The following NOMO1 variants were observed in gnomAD, a reference collection of about 807,000 sequenced individuals.
NOMO1 encodes nodal modulator 3.
NOMO1 carries 40 observed loss-of-function variants against 133.8 expected under a neutral mutation model. The ratio of observed to expected loss-of-function variants is 0.30; its 90% CI spans 0.23 to 0.39. The LOEUF (loss-of-function observed/expected upper bound fraction) is 0.39. Among genes scored for constraint, NOMO1 ranks in the 10% least tolerant of loss-of-function variants. NOMO1 has a pLI of 1.00. For missense variants in NOMO1, 462 were observed against 1,419.9 expected (o/e 0.33, Z 10.84); for synonymous variants, 236 against 570.5 (o/e 0.41, Z 8.36).
intron 16 of NOMO1, among the ~76,000 whole-genome samples, chr16:14,869,281 A>G (rs1236791489): frequency 6.6e-6 from 1 of 151,156 alleles, no homozygotes; most frequent in Non-Finnish European, 1.5e-5. Flanking sequence ...CAGAATTTGC[A>G]TATCATAAAA....
At chr16:14,861,506 G>A (rs373820538) in intron 11 of NOMO1, among the ~76,000 whole-genome samples, 7,186 of 142,324 alleles carry the variant, frequency 0.05, 271 homozygotes, top group Non-Finnish European at 0.07. Context: ...ACAAGGTGAT[G>A]TGTCCTCTGA....
At chr16:14,859,994 G>A (rs1234322500) in intron 11 of NOMO1, among the ~76,000 whole-genome samples, 1 of 152,020 alleles carries the variant, frequency 6.6e-6, no homozygotes, top group African/African-American at 2.4e-5. Flanking sequence ...GGAGGTGGGT[G>A]AGGTCAGGGA....
At chr16:14,862,202 A>T (rs1963931145) in intron 11 of NOMO1, among the ~76,000 whole-genome samples, 1 of 151,878 alleles carries the variant, frequency 6.6e-6, no homozygotes, top group Non-Finnish European at 1.5e-5. Context: ...ATTCTTTAAA[A>T]TGAACAGTTG....
intron 16 of NOMO1, among the ~76,000 whole-genome samples, chr16:14,871,147 G>GTCC (rs1964075792): frequency 6.6e-6 from 1 of 151,768 alleles, no homozygotes; most frequent in South Asian, 2.1e-4. Flanking sequence ...TAGCCGGAGT[G>GTCC]TCCTCCCACA....
rs761906605 is a variant in NOMO1, at chr16:14,882,598, G to C, written c.3032G>C (p.Gly1011Ala). The C allele has an allele frequency of 1.9e-5, 30 of 1,611,502 alleles. 1 individual carries two copies. The South Asian group carries it at 3.2e-4, about 17-fold the overall frequency. ...GACTCCTGAGTTTTTTTGCAGCCGG[G>C]ATGTGTGTACCACGTTCAGCTCAAG... ...GKFRLRGLLP[G>A]CVYHVQLKAE... The change falls in exon 26 of 31, where the codon GGA (glycine) becomes GCA (alanine). Residue 1011 changes from glycine to alanine, a missense_variant. Physicochemically the swap from Gly to Ala is moderately conservative, Grantham distance 60. Coordinates refer to ENST00000287667, the MANE Select transcript of NOMO1 (RefSeq NM_014287.4).
chr16:14,856,087 T>C (rs1963829798), intron 9 of NOMO1, among the ~76,000 whole-genome samples: 1 of 152,094 alleles, frequency 6.6e-6, no homozygotes, highest in African/African-American at 2.4e-5. Flanking sequence ...CACACATTCA[T>C]TCATTCAGGA....
intron 3 of NOMO1, among the ~76,000 whole-genome samples, chr16:14,842,084 T>C (rs1963611832): frequency 1.3e-5 from 2 of 151,984 alleles, no homozygotes; most frequent in African/African-American, 4.8e-5. Context: ...ACTTTCCTCA[T>C]ATAACTGCCT....
Position 14,857,644 on chromosome 16 carries a change from T to C in NOMO1, c.1209T>C (p.Ile403=). ...IAPNTPQLAD[I]IATGFSVCGQ... is the part of the protein sequence containing the mutation. ...CGAACACACCTCAGCTGGCTGACAT[T>C]ATTGCAACAGGGTAAGCTTATCGTG... Residue 403 remains isoleucine, a synonymous_variant, in exon 11 of 31, where the codon ATT becomes ATC. Coordinates refer to ENST00000287667, the MANE Select transcript of NOMO1 (RefSeq NM_014287.4). 6.2e-7 allele frequency: 1 copy of C among 1,613,692 alleles called. No individual in the cohort carries two copies. The highest frequency in any genetic ancestry group is 8.5e-7 in the Non-Finnish European group (1 of 1,179,850).
intron 11 of NOMO1, among the ~76,000 whole-genome samples, chr16:14,860,788 G>GT (rs1963912850): frequency 6.6e-6 from 1 of 151,944 alleles, no homozygotes; most frequent in African/African-American, 2.4e-5. Context: ...AAAAATCTCT[G>GT]TTTTTTAATT....
At chr16:14,848,536 TCTC>T (rs1963715796) in intron 5 of NOMO1, 1 of 335,668 alleles carries the variant, frequency 3.0e-6, no homozygotes, top group Admixed American at 4.3e-5. Context: ...TCTGTCCCCT[TCTC>T]CTTGTCAGTT....
intron 1 of NOMO1, among the ~76,000 whole-genome samples, chr16:14,838,168 T>C (rs1474630276): frequency 6.6e-6 from 1 of 152,064 alleles, no homozygotes; most frequent in Non-Finnish European, 1.5e-5. Flanking sequence ...CAGAAAAGCA[T>C]TGAAAAATAA....
At chr16:14,860,319 G>A (rs1963904484) in intron 11 of NOMO1, among the ~76,000 whole-genome samples, 2 of 150,578 alleles carry the variant, frequency 1.3e-5, no homozygotes, top group African/African-American at 4.9e-5. Flanking sequence ...AGTGAGCTGA[G>A]ATTGCACCAT....
chr16:14,850,443 C>T (rs942477384), intron 6 of NOMO1, among the ~76,000 whole-genome samples: 3 of 151,000 alleles, frequency 2.0e-5, no homozygotes, highest in Non-Finnish European at 4.4e-5. Context: ...TGTTCTTTAG[C>T]ATATCTTTTT....
chr16:14,856,158 A>T (rs1185272293), intron 9 of NOMO1, among the ~76,000 whole-genome samples: 1 of 151,990 alleles, frequency 6.6e-6, no homozygotes, highest in Non-Finnish European at 1.5e-5. Flanking sequence ...CCCTGTCTCC[A>T]TGAGGTAACA....
intron 12 of NOMO1, 65 bp from the exon 13 acceptor site, chr16:14,864,520 C>T (rs1963963203): frequency 6.2e-7 from 1 of 1,606,142 alleles, no homozygotes; most frequent in Non-Finnish European, 8.5e-7. Flanking sequence ...TGTTCTAGCG[C>T]CCTGTAGGTC....
chr16:14,848,556 T>TGTG (rs1963716180), intron 5 of NOMO1: 2 of 368,108 alleles, frequency 5.4e-6, no homozygotes, highest in African/African-American at 4.3e-5. Flanking sequence ...AGTTCATGCC[T>TGTG]GTCACCTCTG....
At chr16:14,881,082 T>C (rs562163536) in intron 24 of NOMO1, among the ~76,000 whole-genome samples, 3 of 152,128 alleles carry the variant, frequency 2.0e-5, no homozygotes, top group East Asian at 1.9e-4. Context: ...TGCATACATA[T>C]ATACATGTAT....
At chr16:14,845,971 C>T (rs1402880133) in intron 4 of NOMO1, among the ~76,000 whole-genome samples, 7 of 150,082 alleles carry the variant, frequency 4.7e-5, no homozygotes, top group Admixed American at 2.7e-4. Flanking sequence ...GGATTACAGG[C>T]GTGTGCCACC....
rs371288947 is a variant in NOMO1 at position 14,853,517 on chromosome 16, C to T, written c.786C>T (p.Asp262=). 72 of 1,600,624 alleles carry T rather than the reference C, an allele frequency of 4.5e-5. No homozygotes were observed. The highest frequency in any genetic ancestry group is 5.5e-5 in the South Asian group (5 of 90,362). The change falls in exon 8 of 31, where the codon GAC becomes GAT. Residue 262 remains aspartate, a synonymous_variant. Coordinates refer to ENST00000287667, the MANE Select transcript of NOMO1 (RefSeq NM_014287.4). ...CAGTGCCTGGGTTCCAGCCCCAAGA[C>T]GAGAGTCTGGTGTATTTGTGCTACA... is the stretch of plus-strand genomic sequence containing the variant. ...VSPVPGFQPQ[D]ESLVYLCYTV...
Sources: allele counts gnomAD v4.1 joint callset (sites outside exome capture counted in the v4.1 genomes callset), GRCh38; gene constraint gnomAD v4.1.1; transcripts MANE v1.5; gene names NCBI Gene and HGNC (gene_info 2026-07-23, HGNC 2026-07-21).